ERCC8: variants seen among roughly 807,000 people sequenced by gnomAD.
ERCC8 encodes the protein DNA excision repair protein ERCC-8.
In ERCC8, 52 loss-of-function variants were observed where a neutral mutation model predicts 54.9. The observed-to-expected ratio is 0.95, with a 90% CI of 0.76 to 1.19. The LOEUF is 1.19. Among genes scored for constraint, ERCC8 ranks in the 50% most tolerant of loss-of-function variants. The pLI, the probability that ERCC8 is intolerant of heterozygous loss-of-function variation, is 0.00. For synonymous variants in ERCC8, 146 were observed against 157.2 expected (o/e 0.93, Z 0.53); for missense variants, 514 against 466.1 (o/e 1.10, Z -0.95).
chr5:60,898,759 G>A (rs1748790023), intron 8 of ERCC8, among the ~76,000 whole-genome samples: 1 of 147,760 alleles, frequency 6.8e-6, no homozygotes, highest in African/African-American at 2.5e-5. Context: ...ATCATTCTAT[G>A]GACTATTAAA....
chr5:60,918,492 G>T, intron 3 of ERCC8, 104 bp from the exon 4 acceptor site: 1 of 951,980 alleles, frequency 1.1e-6, no homozygotes, highest in Non-Finnish European at 1.7e-6. Context: ...GATATGAATG[G>T]CCAAACCGAG....
Position 60,874,486 on chromosome 5 carries a change from A to G in ERCC8, c.*129T>C, listed in dbSNP as rs1393320864. ...TTTATGCAAATATTAACCTCATTTT[A>G]AAACATGAGGAAAAATATTACCCAC... On this transcript the variant is annotated 3_prime_UTR_variant, in exon 12 of 12. Transcript: ENST00000676185. 1.3e-5 allele frequency: 10 copies of G among 781,798 alleles called. No homozygotes were observed. The East Asian group carries it at 2.7e-4, about 21-fold the overall frequency. The allele number at this position is 781,798 out of a possible 1,614,324, so 48.4% of individuals were successfully genotyped here.
At chr5:60,893,666 G>A (rs1748636212) in intron 9 of ERCC8, 3 of 519,742 alleles carry the variant, frequency 5.8e-6, no homozygotes, top group Non-Finnish European at 1.0e-5. Context: ...AGTAACAGAC[G>A]CTCTTGTGCT....
chr5:60,885,539 A>G (rs1748369593), intron 11 of ERCC8, among the ~76,000 whole-genome samples: 1 of 152,156 alleles, frequency 6.6e-6, no homozygotes, highest in Non-Finnish European at 1.5e-5. Flanking sequence ...ATAAATGGCT[A>G]AACCTAATTA....
At position 60,890,925 on chromosome 5, in the gene ERCC8, T is replaced by G; in HGVS notation, c.1005A>C (p.Lys335Asn). 1.2e-6 allele frequency: 2 copies of G among 1,613,640 alleles called. No individual in the cohort carries two copies. Among genetic ancestry groups the G allele is most frequent in the Non-Finnish European group, 1.7e-6 (2 of 1,179,734 alleles). ...ACTGAAATACACAGCAGTCAACAGT[T>G]TTATAATGTCCCTTAAGCATAGTTA... ...EQITMLKGHY[K>N]TVDCCVFQSN... is the part of the protein sequence containing the mutation. Residue 335 changes from lysine to asparagine, a missense_variant, in exon 10 of 12, where the codon AAA becomes AAC. Physicochemically the swap from Lys to Asn is moderately conservative, Grantham distance 94 (BLOSUM62 0). Coordinates refer to ENST00000676185, the MANE Select transcript of ERCC8 (RefSeq NM_000082.4).
intron 4 of ERCC8, among the ~76,000 whole-genome samples, chr5:60,908,584 T>TATATA (rs374684914): frequency 6.4e-5 from 7 of 109,588 alleles, no homozygotes; most frequent in African/African-American, 1.9e-4. Flanking sequence ...TATATATATA[T>TATATA]TTTTTTTTTA....
chr5:60,933,629 A>G (rs1381461444), intron 1 of ERCC8, among the ~76,000 whole-genome samples: 2 of 152,126 alleles, frequency 1.3e-5, no homozygotes, highest in South Asian at 2.1e-4. Context: ...GTTTGGTTAC[A>G]TAAGTTCTTC....
At chr5:60,880,342 T>A (rs1248577318) in intron 11 of ERCC8, among the ~76,000 whole-genome samples, 3 of 152,190 alleles carry the variant, frequency 2.0e-5, no homozygotes, top group African/African-American at 7.2e-5. Context: ...CAATTATGTG[T>A]CTTGGAGTTG....
rs1026222478 is a variant in ERCC8 at position 60,872,692 on chromosome 5, G to A, written c.*1923C>T. Among the ~76,000 whole-genome samples, 1 of 152,196 alleles carries A rather than the reference G, an allele frequency of 6.6e-6. No homozygotes were observed. The highest frequency in any genetic ancestry group is 6.5e-5 in the Admixed American group (1 of 15,276). ...TTTCTTGCATTATTGTGAAGAAAAAGGAATTCTTGCATATTCTTGGTAGGA... is the reference window on the plus strand; with the variant it reads ...TTTCTTGCATTATTGTGAAGAAAAAAGAATTCTTGCATATTCTTGGTAGGA... On this transcript the variant is annotated 3_prime_UTR_variant, in exon 12 of 12. Transcript: ENST00000676185.
rs1170248858 is a variant in ERCC8, at chr5:60,938,048, CATATATATATATATATATAT to C, written c.77+6864_77+6883del. On this transcript the variant is annotated intron_variant, in intron 1 of 11. Coordinates refer to ENST00000676185, the MANE Select transcript of ERCC8 (RefSeq NM_000082.4). ...GTATACATACATACATACATACATA[CATATATATATATATATATAT>C]ATATATATATATATATATTTTATTT... Among the ~76,000 whole-genome samples, 31 of 23,376 alleles carry C rather than the reference CATATATATATATATATATAT, an allele frequency of 1.3e-3. 2 individuals are homozygous for C. Among genetic ancestry groups the C allele is most frequent in the African/African-American group, 2.9e-3 (23 of 7,882 alleles). 15.3% of individuals were successfully genotyped at this position (23,376 alleles called of 152,430 possible). A position where few individuals can be genotyped will look rare whatever the true frequency, so the allele number is the denominator to read the frequency against.
rs1289543778 is a variant in ERCC8 at position 60,907,092 on chromosome 5, C to T, written c.400-2219G>A. Among the ~76,000 whole-genome samples, 8 of 152,176 alleles carry T rather than the reference C, an allele frequency of 5.3e-5. No individual in the cohort carries two copies. The East Asian group carries it at 1.5e-3, about 29-fold the overall frequency. ...TGTGACATCACCATAAAAGATTATT[C>T]ATTTCCTCTGGATTTCAGTAATGAC... On this transcript the variant is annotated intron_variant, in intron 4 of 11. Coordinates refer to ENST00000676185, the MANE Select transcript of ERCC8 (RefSeq NM_000082.4).
intron 1 of ERCC8, among the ~76,000 whole-genome samples, chr5:60,933,216 C>CTTTTTTTTTTTTTTTTTT (rs143139297): frequency 1.1e-5 from 1 of 89,484 alleles, no homozygotes. Context: ...CCTTTTTTTT[C>CTTTTTTTTTTTTTTTTTT]TTTTTTTTTT....
intron 1 of ERCC8, among the ~76,000 whole-genome samples, chr5:60,939,930 A>G (rs1456112877): frequency 6.6e-6 from 1 of 152,170 alleles, no homozygotes; most frequent in African/African-American, 2.4e-5. Context: ...TACTAGGTAT[A>G]CATACTTTTA....
chr5:60,901,621 T>C (rs1264024015), intron 7 of ERCC8, among the ~76,000 whole-genome samples: 1 of 152,034 alleles, frequency 6.6e-6, no homozygotes, highest in Non-Finnish European at 1.5e-5. Flanking sequence ...TGTATTCATG[T>C]CCACCTTTTC....
At chr5:60,912,839 A>G (rs916522498) in intron 4 of ERCC8, among the ~76,000 whole-genome samples, 3 of 152,208 alleles carry the variant, frequency 2.0e-5, no homozygotes, top group Non-Finnish European at 2.9e-5. Context: ...TTCTGCATCT[A>G]TTGAGATAAT....
intron 2 of ERCC8, among the ~76,000 whole-genome samples, chr5:60,928,572 A>C (rs1749817917): frequency 6.6e-6 from 1 of 152,178 alleles, no homozygotes; most frequent in Non-Finnish European, 1.5e-5. Context: ...ATAGCACCTA[A>C]AGACACATTC....
intron 4 of ERCC8, among the ~76,000 whole-genome samples, chr5:60,911,581 G>A (rs1026947864): frequency 7.9e-5 from 12 of 152,044 alleles, no homozygotes; most frequent in Non-Finnish European, 1.5e-4. Flanking sequence ...CTGTGCAGAA[G>A]CTCTTTAGTT....
chr5:60,898,436 T>C (rs1479362322), intron 8 of ERCC8, 36 bp from the exon 9 acceptor site: 4 of 1,610,880 alleles, frequency 2.5e-6, no homozygotes, highest in Non-Finnish European at 3.4e-6. Context: ...TATCTGTTCT[T>C]GTATTCAGGA....
chr5:60,930,716 C>T (rs983855944), intron 1 of ERCC8, among the ~76,000 whole-genome samples: 1 of 151,984 alleles, frequency 6.6e-6, no homozygotes, highest in African/African-American at 2.4e-5. Context: ...ACATTTATTG[C>T]AATACATCTA....
Sources: gnomAD v4.1 joint callset for allele counts (sites outside exome capture counted in the v4.1 genomes callset) on GRCh38, gnomAD v4.1.1 for gene constraint, MANE v1.5 for transcripts, NCBI Gene and HGNC (gene_info 2026-07-23, HGNC 2026-07-21) for gene names.